DYNC1I1: variants seen among roughly 807,000 people sequenced by gnomAD.
DYNC1I1 encodes the protein cytoplasmic dynein 1 intermediate chain 1.
A neutral mutation model predicts 86.6 loss-of-function variants in DYNC1I1; 43 were observed. The ratio of observed to expected loss-of-function variants is 0.50; its 90% CI spans 0.39 to 0.64. The LOEUF (loss-of-function observed/expected upper bound fraction) is 0.64, where lower values mean the gene tolerates loss of function less well. Among genes scored for constraint, DYNC1I1 ranks in the 30% least tolerant of loss-of-function variants. The pLI, the probability that DYNC1I1 is intolerant of heterozygous loss-of-function variation, is 0.00. For synonymous variants in DYNC1I1, 262 were observed against 283.7 expected (o/e 0.92, Z 0.77); for missense variants, 604 against 788.8 (o/e 0.77, Z 2.81).
chr7:96,073,429 A>G (rs1305693395), intron 14 of DYNC1I1, among the ~76,000 whole-genome samples: 1 of 152,264 alleles, frequency 6.6e-6, no homozygotes, highest in Admixed American at 6.5e-5. Context: ...AGAAACTACT[A>G]AAACAAAAAA....
intron 5 of DYNC1I1, among the ~76,000 whole-genome samples, chr7:95,830,604 A>G (rs6962040): frequency 0.11 from 16,274 of 152,118 alleles, 987 homozygotes; most frequent in African/African-American, 0.16. Flanking sequence ...GTCACTTTTT[A>G]TATACATTGG....
chr7:95,788,177 C>T (rs1199525584), intron 1 of DYNC1I1, among the ~76,000 whole-genome samples: 1 of 152,098 alleles, frequency 6.6e-6, no homozygotes, highest in Non-Finnish European at 1.5e-5. Flanking sequence ...ACTATAGCAG[C>T]TGTGTGGGAA....
At chr7:95,969,977 A>G (rs878776) in intron 6 of DYNC1I1, among the ~76,000 whole-genome samples, 4,680 of 152,220 alleles carry the variant, frequency 0.031, 204 homozygotes, top group African/African-American at 0.084. Context: ...TTTCCTGCAT[A>G]TTTTTAAAGC....
At chr7:95,939,364 G>A (rs946365233) in intron 6 of DYNC1I1, among the ~76,000 whole-genome samples, 10 of 152,192 alleles carry the variant, frequency 6.6e-5, no homozygotes, top group Non-Finnish European at 1.0e-4. Context: ...TTAACTTTCT[G>A]TCTCATTGAT....
At chr7:95,845,080 A>G (rs1789390047) in intron 5 of DYNC1I1, among the ~76,000 whole-genome samples, 1 of 152,228 alleles carries the variant, frequency 6.6e-6, no homozygotes, top group Non-Finnish European at 1.5e-5. Context: ...GTCAGATCAG[A>G]TCTCTTTCAC....
At chr7:95,975,682 T>G (rs73397037) in intron 6 of DYNC1I1, among the ~76,000 whole-genome samples, 1 of 152,202 alleles carries the variant, frequency 6.6e-6, no homozygotes, top group Non-Finnish European at 1.5e-5. Flanking sequence ...CCCATAGTTC[T>G]GGCCTTATCA....
rs1793549138 is a variant in DYNC1I1 at position 95,984,968 on chromosome 7, A to G, written c.734A>G (p.Glu245Gly). The change falls in exon 8 of 17, where the codon GAA becomes GGA. Residue 245 changes from glutamate (E) to glycine (G), a missense_variant. Transcript: ENST00000447467. ...GACTACAGCGGCCGAGAGTTAGAGGAAAAAGATGGGTTAGTCTCTTGTGTG... is the reference window on the plus strand; with the variant it reads ...GACTACAGCGGCCGAGAGTTAGAGGGAAAAGATGGGTTAGTCTCTTGTGTG... Reference protein sequence around the residue: ...FFDYSGRELEEKDGDVQAGAN... With the variant: ...FFDYSGRELEGKDGDVQAGAN... 1 of 1,612,824 alleles carries G rather than the reference A, an allele frequency of 6.2e-7. No homozygotes were observed. Among genetic ancestry groups the G allele is most frequent in the Non-Finnish European group, 8.5e-7 (1 of 1,179,452 alleles).
intron 14 of DYNC1I1, among the ~76,000 whole-genome samples, chr7:96,062,858 A>G (rs1241659847): frequency 1.1e-4 from 16 of 152,210 alleles, no homozygotes. Context: ...CTCAGGAAAA[A>G]GTAGCTGTCT....
chr7:96,025,433 A>G (rs1219240935), intron 10 of DYNC1I1, among the ~76,000 whole-genome samples: 1 of 151,564 alleles, frequency 6.6e-6, no homozygotes, highest in Non-Finnish European at 1.5e-5. Context: ...CAGAAAATGA[A>G]AAAAAAAAGT....
intron 16 of DYNC1I1, among the ~76,000 whole-genome samples, chr7:96,085,209 T>A (rs1423884647): frequency 2.6e-5 from 4 of 152,334 alleles, no homozygotes; most frequent in Non-Finnish European, 5.9e-5. Flanking sequence ...TCTCTTATTA[T>A]GTACAATTAT....
At chr7:95,871,440 G>C (rs1406103963) in intron 6 of DYNC1I1, among the ~76,000 whole-genome samples, 1 of 152,176 alleles carries the variant, frequency 6.6e-6, no homozygotes, top group Non-Finnish European at 1.5e-5. Flanking sequence ...CTCCAGACAA[G>C]AACAGGAAGA....
chr7:95,915,270 G>A (rs1226722019), intron 6 of DYNC1I1, among the ~76,000 whole-genome samples: 1 of 152,230 alleles, frequency 6.6e-6, no homozygotes, highest in East Asian at 1.9e-4. Flanking sequence ...ATTATCTCCA[G>A]TACAACCCTG....
chr7:95,946,279 C>T lies in DYNC1I1; in HGVS notation c.491-31233C>T, dbSNP rs4259341. 8.0e-3 allele frequency among the ~76,000 whole-genome samples: 1,208 copies of T among 151,566 alleles called. 18 individuals carry two copies. The highest frequency in any genetic ancestry group is 0.027 in the African/African-American group (1,136 of 41,334). ...TTACCTATGTCACAAACCTGCACAT[C>T]CTCCACATGTATCCTGGAATTTAAA... On this transcript the variant is annotated intron_variant, in intron 6 of 16. Coordinates refer to ENST00000447467, the MANE Select transcript of DYNC1I1 (RefSeq NM_001135556.2).
At chr7:95,933,782 C>G (rs1036293719) in intron 6 of DYNC1I1, among the ~76,000 whole-genome samples, 1 of 152,060 alleles carries the variant, frequency 6.6e-6, no homozygotes, top group Non-Finnish European at 1.5e-5. Context: ...TTGAGACACC[C>G]GCCTTTCAGT....
intron 14 of DYNC1I1, among the ~76,000 whole-genome samples, chr7:96,050,671 ATTTATCCCCAT>A (rs1195552611): frequency 6.6e-6 from 1 of 152,028 alleles, no homozygotes; most frequent in African/African-American, 2.4e-5. Context: ...TACAGCCTGT[ATTTATCCCCAT>A]GATTGCCACT....
At chr7:95,946,461 A>G (rs1193918713) in intron 6 of DYNC1I1, among the ~76,000 whole-genome samples, 1 of 150,096 alleles carries the variant, frequency 6.7e-6, no homozygotes, top group Non-Finnish European at 1.5e-5. Context: ...AAATATAACT[A>G]AACTCTAAAA....
At chr7:95,791,556 T>C (rs1358221541) in intron 1 of DYNC1I1, among the ~76,000 whole-genome samples, 1 of 152,222 alleles carries the variant, frequency 6.6e-6, no homozygotes, top group African/African-American at 2.4e-5. Flanking sequence ...GGCTCTGTTC[T>C]AAAGCATAGA....
chr7:95,994,608 G>A (rs1562966250), intron 9 of DYNC1I1, among the ~76,000 whole-genome samples: 1 of 152,136 alleles, frequency 6.6e-6, no homozygotes, highest in South Asian at 2.1e-4. Flanking sequence ...TGGGAGGTGG[G>A]GAGAAAGAGG....
intron 10 of DYNC1I1, among the ~76,000 whole-genome samples, chr7:96,013,469 TTTTG>T (rs1260261532): frequency 6.6e-6 from 1 of 152,144 alleles, no homozygotes; most frequent in Admixed American, 6.5e-5. Context: ...TTTTGTTTTG[TTTTG>T]TTTGAGACAG....
Sources: gnomAD v4.1 joint callset for allele counts (sites outside exome capture counted in the v4.1 genomes callset) on GRCh38, gnomAD v4.1.1 for gene constraint, MANE v1.5 for transcripts, NCBI Gene and HGNC (gene_info 2026-07-23, HGNC 2026-07-21) for gene names.